The following CYP19A1 variants were observed in gnomAD, a reference collection of about 807,000 sequenced individuals.
CYP19A1 encodes the protein cytochrome P450 family 19 subfamily A member 1, also known as aromatase.
A neutral mutation model predicts 44.4 loss-of-function variants in CYP19A1; 32 were observed. The observed-to-expected ratio is 0.72, with a 90% CI of 0.54 to 0.97. The LOEUF is 0.97. Among genes scored for constraint, CYP19A1 ranks in the 50% least tolerant of loss-of-function variants. The probability of loss-of-function intolerance (pLI) is 0.00; values close to 1 mark genes in which losing one functional copy is unlikely to be tolerated. For missense variants in CYP19A1, 598 were observed against 637.8 expected (o/e 0.94, Z 0.67); for synonymous variants, 212 against 215.6 (o/e 0.98, Z 0.14).
chr15:51,276,321 T>G (rs1335529573), intron 1 of CYP19A1, among the ~76,000 whole-genome samples: 1 of 152,170 alleles, frequency 6.6e-6, no homozygotes. Flanking sequence ...CTGACCCCCT[T>G]GTTTCCTCAT....
chr15:51,311,979 A>G (rs2036319479), intron 1 of CYP19A1, among the ~76,000 whole-genome samples: 1 of 152,240 alleles, frequency 6.6e-6, no homozygotes. Flanking sequence ...ATAATATTAT[A>G]TATCAAACCC....
intron 1 of CYP19A1, among the ~76,000 whole-genome samples, chr15:51,282,553 T>G (rs2035556214): frequency 6.6e-6 from 1 of 152,220 alleles, no homozygotes; most frequent in South Asian, 2.1e-4. Context: ...CTTCCAGAGC[T>G]CAGGGCCTTC....
intron 6 of CYP19A1, 133 bp downstream of exon 6, chr15:51,218,408 C>A: frequency 7.3e-7 from 1 of 1,361,192 alleles, no homozygotes; most frequent in Non-Finnish European, 9.8e-7. Context: ...TCATCAGCAA[C>A]TTAATCAACA....
chr15:51,332,919 T>G (rs2470169), intron 1 of CYP19A1, among the ~76,000 whole-genome samples: 7,321 of 152,302 alleles, frequency 0.048, 221 homozygotes, highest in Non-Finnish European at 0.064. Context: ...TTCTGGAATT[T>G]CTCAACCTAT....
chr15:51,225,970 T>C (rs1298146234), intron 4 of CYP19A1, among the ~76,000 whole-genome samples: 4 of 150,998 alleles, frequency 2.6e-5, no homozygotes, highest in African/African-American at 7.3e-5. Flanking sequence ...GCACCTGTAG[T>C]CCCAGCTACT....
intron 1 of CYP19A1, among the ~76,000 whole-genome samples, chr15:51,333,790 T>C (rs1334974785): frequency 6.6e-6 from 1 of 152,208 alleles, no homozygotes; most frequent in East Asian, 1.9e-4. Context: ...GGCTTAATAT[T>C]GGCAGGAATC....
intron 1 of CYP19A1, among the ~76,000 whole-genome samples, chr15:51,273,338 A>T (rs2035195982): frequency 6.6e-6 from 1 of 152,322 alleles, no homozygotes; most frequent in South Asian, 2.1e-4. Context: ...TTTAACACTG[A>T]ACCTTACATG....
Position 51,222,406 on chromosome 15 carries a change from G to A in CYP19A1, c.571C>T (p.Leu191=). The A allele has an allele frequency of 6.2e-7, 1 of 1,614,196 alleles. No homozygotes were observed. The highest frequency in any genetic ancestry group is 8.5e-7 in the Non-Finnish European group (1 of 1,180,040). ...ESGYVDVLTL[L]RRVMLDTSNT... ...GAGGTGTCCAGCATGACACGACGCA[G>A]AAGGGTCAACACGTCCACATAGCCC... The change falls in exon 5 of 10, where the codon CTG becomes TTG. Residue 191 remains leucine (L), a synonymous_variant. Transcript: ENST00000396402.
At chr15:51,216,925 G>A (rs901825920) in intron 6 of CYP19A1, among the ~76,000 whole-genome samples, 3 of 152,270 alleles carry the variant, frequency 2.0e-5, no homozygotes, top group African/African-American at 4.8e-5. Context: ...CTGTCCTTAA[G>A]TGTATGTGTT....
At chr15:51,311,240 T>A (rs1192392544) in intron 1 of CYP19A1, among the ~76,000 whole-genome samples, 3 of 151,214 alleles carry the variant, frequency 2.0e-5, no homozygotes, top group African/African-American at 7.3e-5. Flanking sequence ...TTACAATGAA[T>A]GGAAAAATAG....
chr15:51,297,726 A>C (rs1307078021), intron 1 of CYP19A1, among the ~76,000 whole-genome samples: 1 of 151,416 alleles, frequency 6.6e-6, no homozygotes, highest in Non-Finnish European at 1.5e-5. Flanking sequence ...GTGGGTCCCA[A>C]ATCTCCTATA....
At chr15:51,240,964 C>T (rs952255243) in intron 2 of CYP19A1, among the ~76,000 whole-genome samples, 2 of 152,190 alleles carry the variant, frequency 1.3e-5, no homozygotes, top group Non-Finnish European at 2.9e-5. Context: ...GAGTTAGGCT[C>T]ATATTTGTGG....
intron 1 of CYP19A1, among the ~76,000 whole-genome samples, chr15:51,254,053 G>A (rs2034424993): frequency 6.6e-6 from 1 of 152,190 alleles, no homozygotes; most frequent in Non-Finnish European, 1.5e-5. Context: ...TAGAAAGGCA[G>A]TTGATGAGGG....
intron 7 of CYP19A1, 39 bp from the exon 8 acceptor site, chr15:51,215,271 A>T: frequency 6.2e-7 from 1 of 1,613,834 alleles, no homozygotes; most frequent in Non-Finnish European, 8.5e-7. Flanking sequence ...GGAAAAGTGA[A>T]TCAAAGTTTC....
intron 3 of CYP19A1, among the ~76,000 whole-genome samples, chr15:51,234,078 G>C (rs1271441313): frequency 1.3e-5 from 2 of 149,278 alleles, no homozygotes; most frequent in African/African-American, 4.9e-5. Flanking sequence ...CTTTTCAAAA[G>C]AAAAAAAAAA....
At chr15:51,312,696 G>C (rs2036337202) in intron 1 of CYP19A1, 1 of 152,280 alleles carries the variant, frequency 6.6e-6, no homozygotes, top group African/African-American at 2.4e-5. Flanking sequence ...ATGTTGCTGA[G>C]AGCTGGCTCC....
chr15:51,322,756 T>A (rs921843549), intron 1 of CYP19A1, among the ~76,000 whole-genome samples: 1 of 152,230 alleles, frequency 6.6e-6, no homozygotes, highest in Non-Finnish European at 1.5e-5. Flanking sequence ...TGGGTGGCAT[T>A]GGGCCAGCCT....
At chr15:51,253,119 T>G (rs1386163526) in intron 1 of CYP19A1, among the ~76,000 whole-genome samples, 1 of 152,210 alleles carries the variant, frequency 6.6e-6, no homozygotes, top group Non-Finnish European at 1.5e-5. Flanking sequence ...CTATGTCCAC[T>G]GCTAGATCTC....
intron 1 of CYP19A1, among the ~76,000 whole-genome samples, chr15:51,249,795 C>T (rs1258050179): frequency 6.6e-6 from 1 of 152,198 alleles, no homozygotes; most frequent in East Asian, 1.9e-4. Flanking sequence ...GAACCACTTA[C>T]ATGAGATCCA....
Sources: gnomAD v4.1 joint callset for allele counts (sites outside exome capture counted in the v4.1 genomes callset) on GRCh38, gnomAD v4.1.1 for gene constraint, MANE v1.5 for transcripts, NCBI Gene and HGNC (gene_info 2026-07-23, HGNC 2026-07-21) for gene names.